AFG2A: variants seen among roughly 807,000 people sequenced by gnomAD.
AFG2A encodes the protein ATPase family gene 2 protein homolog A.
At chr4:123,107,433 G>T in the AFG2A span, among the ~76,000 whole-genome samples, 53 of 152,206 alleles carry the variant, frequency 3.5e-4, no homozygotes, top group Non-Finnish European at 7.2e-4. Flanking sequence ...TCCAAGTCTG[G>T]CTGAGTCCAG....
chr4:122,947,145 ATCCTTG>A, the AFG2A span: 1 of 1,328,342 alleles, frequency 7.5e-7, no homozygotes, highest in Non-Finnish European at 1.0e-6. Context: ...TAGATGTTTC[ATCCTTG>A]TCTATACAGC....
the AFG2A span, among the ~76,000 whole-genome samples, chr4:122,962,958 G>C: frequency 3.3e-5 from 5 of 152,150 alleles, no homozygotes; most frequent in Non-Finnish European, 7.3e-5. Flanking sequence ...TAACTTGGAA[G>C]ACTTTGAATT....
At chr4:123,042,310 G>A in the AFG2A span, among the ~76,000 whole-genome samples, 1 of 151,996 alleles carries the variant, frequency 6.6e-6, no homozygotes, top group Non-Finnish European at 1.5e-5. Flanking sequence ...TGGTCATCTT[G>A]ACATAGCCTC....
the AFG2A span, among the ~76,000 whole-genome samples, chr4:122,963,800 G>C: frequency 6.6e-6 from 1 of 152,092 alleles, no homozygotes; most frequent in Admixed American, 6.6e-5. Flanking sequence ...TTCTTTTTTA[G>C]TTTTGTTGAT....
chr4:123,173,611 C>T, the AFG2A span, among the ~76,000 whole-genome samples: 1 of 152,010 alleles, frequency 6.6e-6, no homozygotes, highest in African/African-American at 2.4e-5. Context: ...GTCTCAGCCT[C>T]CCAAAGTGCT....
the AFG2A span, chr4:123,256,735 G>A: frequency 1.0e-6 from 1 of 985,404 alleles, no homozygotes; most frequent in African/African-American, 1.7e-5. Context: ...TACCTCTGAA[G>A]ATAAACTCTT....
chr4:123,106,642 A>G, the AFG2A span, among the ~76,000 whole-genome samples: 2 of 152,172 alleles, frequency 1.3e-5, no homozygotes, highest in Admixed American at 6.5e-5. Context: ...TTTACAACCC[A>G]TTTACACAGA....
At chr4:123,313,682 G>A in the AFG2A span, among the ~76,000 whole-genome samples, 1 of 152,140 alleles carries the variant, frequency 6.6e-6, no homozygotes, top group Non-Finnish European at 1.5e-5. Flanking sequence ...ACGTTGCTTT[G>A]GGATGAAGGA....
the AFG2A span, among the ~76,000 whole-genome samples, chr4:123,197,821 T>C: frequency 6.6e-6 from 1 of 152,008 alleles, no homozygotes; most frequent in Non-Finnish European, 1.5e-5. Flanking sequence ...CCTTCATGGA[T>C]GTTTTAAGGG....
chr4:122,941,113 C>G, the AFG2A span, among the ~76,000 whole-genome samples: 1 of 148,800 alleles, frequency 6.7e-6, no homozygotes, highest in Non-Finnish European at 1.5e-5. Flanking sequence ...CTTGGTGATG[C>G]GGGCTCTTTT....
At chr4:122,974,888 C>T in the AFG2A span, among the ~76,000 whole-genome samples, 2 of 152,118 alleles carry the variant, frequency 1.3e-5, no homozygotes, top group Non-Finnish European at 2.9e-5. Flanking sequence ...GATCCGCTTG[C>T]CTTGGCCTCC....
chr4:123,312,077 CTG>C, the AFG2A span, among the ~76,000 whole-genome samples: 1 of 152,364 alleles, frequency 6.6e-6, no homozygotes, highest in Admixed American at 6.5e-5. Context: ...TCTGGCCACT[CTG>C]TTGGATGTGT....
chr4:123,294,234 A>G, the AFG2A span, among the ~76,000 whole-genome samples: 2 of 152,172 alleles, frequency 1.3e-5, no homozygotes, highest in African/African-American at 4.8e-5. Context: ...GGGGAGCGAC[A>G]TAAACTCTGT....
At chr4:122,946,291 A>C in the AFG2A span, among the ~76,000 whole-genome samples, 2 of 152,192 alleles carry the variant, frequency 1.3e-5, no homozygotes, top group Non-Finnish European at 2.9e-5. Flanking sequence ...GGAGAATCTT[A>C]ATTATTTCAA....
At chr4:123,312,473 T>C in the AFG2A span, among the ~76,000 whole-genome samples, 1 of 152,204 alleles carries the variant, frequency 6.6e-6, no homozygotes. Flanking sequence ...TCCCTTCACC[T>C]CCCTTTGTAG....
chr4:123,239,158 G>A, the AFG2A span, among the ~76,000 whole-genome samples: 1 of 152,088 alleles, frequency 6.6e-6, no homozygotes, highest in African/African-American at 2.4e-5. Context: ...AAAGAACAAA[G>A]CCTCCAAGAA....
chr4:123,302,659 G>A, the AFG2A span, among the ~76,000 whole-genome samples: 1 of 152,052 alleles, frequency 6.6e-6, no homozygotes, highest in South Asian at 2.1e-4. Context: ...AAGCAGAGCA[G>A]GACCAAGGCT....
the AFG2A span, among the ~76,000 whole-genome samples, chr4:123,189,669 C>T: frequency 2.6e-5 from 4 of 152,100 alleles, no homozygotes; most frequent in Non-Finnish European, 2.9e-5. Context: ...TTTGACTGCT[C>T]TCTTTGAGTA....
At chr4:122,982,181 A>G in the AFG2A span, among the ~76,000 whole-genome samples, 801 of 152,230 alleles carry the variant, frequency 5.3e-3, 7 homozygotes, top group African/African-American at 0.018. Flanking sequence ...ATTCTGTCTA[A>G]TGTATTGAGA....
Sources: allele counts gnomAD v4.1 joint callset (sites outside exome capture counted in the v4.1 genomes callset), GRCh38; gene constraint gnomAD v4.1.1; transcripts MANE v1.5; gene names NCBI Gene and HGNC (gene_info 2026-07-23, HGNC 2026-07-21).